Variants in ZNF333 observed in about 807,000 individuals in gnomAD.
The protein encoded by ZNF333 is zinc finger protein 333.
Under a neutral mutation model 76.1 loss-of-function variants are expected in ZNF333, and 61 were observed. The observed-to-expected ratio is 0.80, with a 90% CI of 0.65 to 0.99. ZNF333 has a LOEUF of 0.99. ZNF333 is among the 50% of genes least tolerant of loss of function. The probability of loss-of-function intolerance (pLI) is 0.00; values close to 1 mark genes in which losing one functional copy is unlikely to be tolerated. For synonymous variants in ZNF333, 284 were observed against 305.0 expected (o/e 0.93, Z 0.72); for missense variants, 717 against 822.4 (o/e 0.87, Z 1.57).
intron 7 of ZNF333, among the ~76,000 whole-genome samples, chr19:14,710,358 A>G (rs1568544337): frequency 6.6e-6 from 1 of 152,134 alleles, no homozygotes; most frequent in African/African-American, 2.4e-5. Flanking sequence ...TTGGGGGTTG[A>G]GTGTGGAGGA....
At chr19:14,728,497 G>A (rs1027606457) in intron 11 of ZNF333, among the ~76,000 whole-genome samples, 4 of 152,096 alleles carry the variant, frequency 2.6e-5, no homozygotes, top group Non-Finnish European at 5.9e-5. Flanking sequence ...TAGAAACTTT[G>A]TCTTATGTTT....
At chr19:14,693,028 T>C (rs1337192557) in intron 1 of ZNF333, among the ~76,000 whole-genome samples, 1 of 152,146 alleles carries the variant, frequency 6.6e-6, no homozygotes, top group Non-Finnish European at 1.5e-5. Flanking sequence ...GGTTTCACCA[T>C]ATTGGCCAGG....
In ZNF333 at chr19:14,720,734, T is replaced by C. The variant is rs2147031174; in HGVS notation, c.*1409T>C. 2 of 985,450 alleles carry C rather than the reference T, an allele frequency of 2.0e-6. No individual in the cohort carries two copies. The highest frequency in any genetic ancestry group is 1.2e-4 in the Admixed American group (2 of 16,284). 61.0% of individuals were successfully genotyped at this position (985,450 alleles called of 1,614,324 possible). ...ATCAATGTATTGTATTCTACAAATG[T>C]CTGCTAGATCAAGCAAATGTGTTTA... On this transcript the variant is annotated 3_prime_UTR_variant, in exon 12 of 12. Coordinates refer to ENST00000292530, the MANE Select transcript of ZNF333 (RefSeq NM_032433.4).
At chr19:14,697,993 T>G (rs972998884) in intron 4 of ZNF333, among the ~76,000 whole-genome samples, 1 of 152,190 alleles carries the variant, frequency 6.6e-6, no homozygotes, top group Non-Finnish European at 1.5e-5. Flanking sequence ...GGAAATTGCC[T>G]CTCATTTTCC....
intron 7 of ZNF333, among the ~76,000 whole-genome samples, chr19:14,711,473 C>T (rs934670030): frequency 6.6e-6 from 1 of 151,928 alleles, no homozygotes; most frequent in African/African-American, 2.4e-5. Flanking sequence ...AGTTGGAGAC[C>T]AGCCTGGGCA....
chr19:14,724,617 T>G (rs183729369), downstream of ZNF333, among the ~76,000 whole-genome samples: 1 of 152,110 alleles, frequency 6.6e-6, no homozygotes, highest in East Asian at 1.9e-4. Flanking sequence ...AATACAAAAA[T>G]TAGTTGGGTG....
intron 9 of ZNF333, among the ~76,000 whole-genome samples, chr19:14,716,769 A>G (rs2042442454): frequency 6.6e-6 from 1 of 152,190 alleles, no homozygotes; most frequent in Non-Finnish European, 1.5e-5. Flanking sequence ...TTCCTTAGCT[A>G]GGCCCTTGGT....
chr19:14,707,037 A>G, intron 7 of ZNF333: 1 of 416,012 alleles, frequency 2.4e-6, no homozygotes, highest in Non-Finnish European at 4.2e-6. Flanking sequence ...ATTCTTGACT[A>G]CACGATAATG....
chr19:14,720,579 A>C lies in ZNF333; in HGVS notation c.*1254A>C. The C allele has an allele frequency of 1.0e-6, 1 of 985,398 alleles. No homozygotes were observed. The highest frequency in any genetic ancestry group is 1.2e-6 in the Non-Finnish European group (1 of 829,918). The allele number at this position is 985,398 out of a possible 1,614,324, so 61.0% of individuals were successfully genotyped here. ...GATGTCCCATACATGAAAAATATGC[A>C]CTTCTTACTGGTACAGTTTTCTTTT... On this transcript the variant is annotated 3_prime_UTR_variant, in exon 12 of 12. Transcript: ENST00000292530.
At chr19:14,726,181 C>CT (rs1464891005), downstream of ZNF333, among the ~76,000 whole-genome samples, 1 of 152,220 alleles carries the variant, frequency 6.6e-6, no homozygotes, top group Non-Finnish European at 1.5e-5. Flanking sequence ...ACCTGGGCCC[C>CT]TTTGAGCCAA....
chr19:14,706,830 G>A, intron 7 of ZNF333, 57 bp downstream of exon 7: 1 of 1,471,720 alleles, frequency 6.8e-7, no homozygotes, highest in Admixed American at 1.8e-5. Flanking sequence ...CTTGTGTTCT[G>A]TCCAGGAACT....
In ZNF333 at chr19:14,695,033, G is replaced by T. The variant is rs1424650575; in HGVS notation, c.27G>T (p.Val9=). Residue 9 remains valine (V), a synonymous_variant, in exon 3 of 12, where the codon GTG becomes GTT. Coordinates refer to ENST00000292530, the MANE Select transcript of ZNF333 (RefSeq NM_032433.4). Reference sequence around the variant, plus strand: ...AGGAATCCGTCACCTTTGAGGATGTGGCCGTGGAGTTCATCCAGGAGTGGG... The same window carrying T: ...AGGAATCCGTCACCTTTGAGGATGTTGCCGTGGAGTTCATCCAGGAGTGGG... MESVTFED[V]AVEFIQEWAL... is the part of the protein sequence containing the mutation. The T allele has an allele frequency of 6.2e-7, 1 of 1,614,048 alleles. No individual in the cohort carries two copies. The highest frequency in any genetic ancestry group is 8.5e-7 in the Non-Finnish European group (1 of 1,180,036).
chr19:14,717,797 G>A (rs2042479111), intron 11 of ZNF333, 64 bp downstream of exon 11: 1 of 1,534,312 alleles, frequency 6.5e-7, no homozygotes, highest in Admixed American at 1.7e-5. Flanking sequence ...TTAACCGTAA[G>A]TTAGAAAAGC....
chr19:14,722,879 C>T (rs184160786), downstream of ZNF333, among the ~76,000 whole-genome samples: 67 of 152,210 alleles, frequency 4.4e-4, no homozygotes, highest in Middle Eastern at 3.4e-3. Context: ...TCCGCCTCCC[C>T]GGTTCAAGTG....
chr19:14,704,908 GC>G (rs1568536475), intron 5 of ZNF333, 145 bp from the exon 6 acceptor site: 5 of 647,278 alleles, frequency 7.7e-6, no homozygotes, highest in Non-Finnish European at 1.3e-5. Flanking sequence ...CTCCCAAAGT[GC>G]TGGGATTATG....
At chr19:14,691,158 C>T (rs1349820533) in intron 1 of ZNF333, among the ~76,000 whole-genome samples, 2 of 152,058 alleles carry the variant, frequency 1.3e-5, no homozygotes, top group African/African-American at 4.8e-5. Flanking sequence ...TCTTTATTTT[C>T]TATGTTTGAG....
At chr19:14,710,702 C>T (rs371455227) in intron 7 of ZNF333, among the ~76,000 whole-genome samples, 102 of 152,274 alleles carry the variant, frequency 6.7e-4, no homozygotes, top group Middle Eastern at 6.8e-3. Flanking sequence ...TGCTTGAACC[C>T]GGAAGGCGGA....
intron 11 of ZNF333, among the ~76,000 whole-genome samples, chr19:14,728,929 A>G (rs914559584): frequency 7.9e-5 from 12 of 152,190 alleles, no homozygotes; most frequent in Non-Finnish European, 1.6e-4. Context: ...GGTCGGCACA[A>G]TGTAAGCTGA....
intron 5 of ZNF333, among the ~76,000 whole-genome samples, chr19:14,701,190 C>T (rs1022143569): frequency 4.3e-4 from 66 of 152,160 alleles, no homozygotes; most frequent in Non-Finnish European, 6.5e-4. Context: ...GTTCCTCATC[C>T]GATGTGGTGG....
Sources: allele counts gnomAD v4.1 joint callset (sites outside exome capture counted in the v4.1 genomes callset), GRCh38; gene constraint gnomAD v4.1.1; transcripts MANE v1.5; gene names NCBI Gene and HGNC (gene_info 2026-07-23, HGNC 2026-07-21).